Variants in SPTLC3 observed in about 807,000 individuals in gnomAD.
SPTLC3 encodes the protein serine palmitoyltransferase 3.
SPTLC3 carries 36 observed loss-of-function variants against 59.3 expected under a neutral mutation model. That is an observed-to-expected ratio of 0.61 (90% CI 0.47 to 0.80). The LOEUF (loss-of-function observed/expected upper bound fraction) is 0.80, where lower values mean the gene tolerates loss of function less well. Ranked by LOEUF, SPTLC3 falls within the 30% of genes least tolerant of loss-of-function variation. SPTLC3 has a pLI of 0.00. For synonymous variants in SPTLC3, 257 were observed against 240.8 expected (o/e 1.07, Z -0.62); for missense variants, 625 against 685.1 (o/e 0.91, Z 0.98).
intron 5 of SPTLC3, among the ~76,000 whole-genome samples, chr20:13,091,571 CA>C (rs33970207): frequency 0.74 from 102,926 of 138,522 alleles, 37,389 homozygotes; most frequent in African/African-American, 0.8. Flanking sequence ...GACTCTGTCT[CA>C]AAAAAAAAAA....
chr20:13,109,162 C>T (rs1990080729), intron 6 of SPTLC3, among the ~76,000 whole-genome samples: 1 of 152,164 alleles, frequency 6.6e-6, no homozygotes, highest in Non-Finnish European at 1.5e-5. Flanking sequence ...AACCCAAGCC[C>T]AGTCATCAAC....
chr20:13,108,185 C>T (rs578059675), intron 6 of SPTLC3, among the ~76,000 whole-genome samples: 1 of 152,272 alleles, frequency 6.6e-6, no homozygotes, highest in East Asian at 1.9e-4. Context: ...TCTGACTTGT[C>T]CTATCCCACT....
intron 1 of SPTLC3, among the ~76,000 whole-genome samples, chr20:13,010,477 T>C (rs1215851411): frequency 6.6e-6 from 1 of 152,158 alleles, no homozygotes; most frequent in Non-Finnish European, 1.5e-5. Flanking sequence ...CTGAGTTGTG[T>C]GTAAACAGGC....
chr20:13,062,653 CTG>C (rs1568584037), intron 2 of SPTLC3, among the ~76,000 whole-genome samples: 1 of 152,094 alleles, frequency 6.6e-6, no homozygotes. Context: ...TGCATTTTTT[CTG>C]TCTCTTCTGT....
At position 13,164,750 on chromosome 20, in the gene SPTLC3, G is replaced by C; in HGVS notation, c.1546-4G>C. ...ATAGCTATTGGAAAGCAATCTCATTGCAGGTTTTAGAAGCTCTTGATGAAA... is the reference window on the plus strand; with the variant it reads ...ATAGCTATTGGAAAGCAATCTCATTCCAGGTTTTAGAAGCTCTTGATGAAA... On this transcript the variant is annotated splice_region_variant and splice_polypyrimidine_tract_variant and intron_variant, in intron 11 of 11. Coordinates refer to ENST00000399002, the MANE Select transcript of SPTLC3 (RefSeq NM_018327.4). The C allele has an allele frequency of 6.2e-7, 1 of 1,611,702 alleles. No homozygotes were observed. Among genetic ancestry groups the C allele is most frequent in the Non-Finnish European group, 8.5e-7 (1 of 1,178,548 alleles).
chr20:13,035,206 C>T (rs901672667), intron 1 of SPTLC3, among the ~76,000 whole-genome samples: 2 of 152,148 alleles, frequency 1.3e-5, no homozygotes, highest in African/African-American at 4.8e-5. Context: ...AACATGGACA[C>T]TCAATGAGAC....
intron 4 of SPTLC3, 95 bp from the exon 5 acceptor site, chr20:13,090,988 G>A (rs1308122531): frequency 2.6e-6 from 4 of 1,518,760 alleles, no homozygotes; most frequent in South Asian, 2.5e-5. Context: ...CTCTTGTATA[G>A]GTCTTTTGGT....
At chr20:13,043,759 C>T (rs550985119) in intron 1 of SPTLC3, among the ~76,000 whole-genome samples, 1 of 152,264 alleles carries the variant, frequency 6.6e-6, no homozygotes, top group East Asian at 1.9e-4. Flanking sequence ...TATTAGTAAC[C>T]GAAGTCACCA....
chr20:13,143,267 T>C (rs1263896430), intron 9 of SPTLC3, among the ~76,000 whole-genome samples: 2 of 152,174 alleles, frequency 1.3e-5, no homozygotes, highest in African/African-American at 4.8e-5. Context: ...CAAATCCAAG[T>C]CAGTGAGTCC....
chr20:13,087,461 C>T (rs1174244092), intron 4 of SPTLC3, among the ~76,000 whole-genome samples: 1 of 152,208 alleles, frequency 6.6e-6, no homozygotes, highest in Admixed American at 6.5e-5. Flanking sequence ...GAATCAGTGT[C>T]TTCAAGCTGG....
At chr20:13,086,151 T>C (rs1988998204) in intron 4 of SPTLC3, among the ~76,000 whole-genome samples, 3 of 152,126 alleles carry the variant, frequency 2.0e-5, no homozygotes. Flanking sequence ...AAAGACAAAA[T>C]GTTGTACTTG....
chr20:13,064,104 A>G (rs538896514), intron 2 of SPTLC3, among the ~76,000 whole-genome samples: 1 of 140,810 alleles, frequency 7.1e-6, no homozygotes, highest in East Asian at 2.1e-4. Context: ...ATTTTGGCTC[A>G]CTGCAACCTC....
In SPTLC3 at chr20:13,009,295, T is replaced by C. The variant is rs907999962; in HGVS notation, c.28T>C (p.Cys10Arg). 9 of 1,613,986 alleles carry C rather than the reference T, an allele frequency of 5.6e-6. No homozygotes were observed. The African/African-American group carries it at 1.2e-4, about 22-fold the overall frequency. Residue 10 changes from cysteine to arginine, a missense_variant, in exon 1 of 12, where the codon TGC becomes CGC. Cys to Arg is a radical substitution (Grantham distance 180). Coordinates refer to ENST00000399002, the MANE Select transcript of SPTLC3 (RefSeq NM_018327.4). ...GGCTAACCCTGGAGGTGGTGCTGTTTGCAACGGGAAACTTCACAATCACAA... is the reference window on the plus strand; with the variant it reads ...GGCTAACCCTGGAGGTGGTGCTGTTCGCAACGGGAAACTTCACAATCACAA... MANPGGGAV[C>R]NGKLHNHKKQ...
At chr20:13,040,059 G>C (rs748164156) in intron 1 of SPTLC3, among the ~76,000 whole-genome samples, 123 of 151,624 alleles carry the variant, frequency 8.1e-4, no homozygotes, top group Non-Finnish European at 1.4e-3. Flanking sequence ...GTGTGTGTGT[G>C]TGTGTGTGTG....
intron 2 of SPTLC3, among the ~76,000 whole-genome samples, chr20:13,067,883 CAT>C (rs1288433109): frequency 1.3e-5 from 2 of 152,184 alleles, no homozygotes; most frequent in Non-Finnish European, 2.9e-5. Flanking sequence ...AAATGAATAA[CAT>C]TGTGTTTGAT....
intron 2 of SPTLC3, among the ~76,000 whole-genome samples, chr20:13,065,510 T>C (rs1390061826): frequency 6.6e-6 from 1 of 151,974 alleles, no homozygotes; most frequent in Non-Finnish European, 1.5e-5. Flanking sequence ...AAAAAAGTTG[T>C]ATTTTAATAA....
chr20:13,074,201 G>A, intron 3 of SPTLC3, 148 bp from the exon 4 acceptor site: 1 of 1,052,350 alleles, frequency 9.5e-7, no homozygotes, highest in Middle Eastern at 2.0e-4. Context: ...TGCCAGCTCT[G>A]TTCCACCTCA....
chr20:13,108,834 G>A (rs1166489913), intron 6 of SPTLC3, among the ~76,000 whole-genome samples: 1 of 152,150 alleles, frequency 6.6e-6, no homozygotes, highest in Admixed American at 6.5e-5. Flanking sequence ...CACCTTTTGT[G>A]AGCATTTTAA....
intron 1 of SPTLC3, among the ~76,000 whole-genome samples, chr20:13,024,995 T>A (rs1192098168): frequency 6.6e-6 from 1 of 152,196 alleles, no homozygotes; most frequent in Non-Finnish European, 1.5e-5. Flanking sequence ...CAAATTTCTT[T>A]AGTATCAATT....
Sources: allele counts gnomAD v4.1 joint callset (sites outside exome capture counted in the v4.1 genomes callset), GRCh38; gene constraint gnomAD v4.1.1; transcripts MANE v1.5; gene names NCBI Gene and HGNC (gene_info 2026-07-23, HGNC 2026-07-21).